The following PTPN13 variants were observed in gnomAD, a reference collection of about 807,000 sequenced individuals.
PTPN13 encodes the protein tyrosine-protein phosphatase non-receptor type 13.
A neutral mutation model predicts 284.0 loss-of-function variants in PTPN13; 191 were observed. The ratio of observed to expected loss-of-function variants is 0.67; its 90% CI spans 0.60 to 0.76. PTPN13 has a LOEUF of 0.76. Ranked by LOEUF, PTPN13 falls within the 30% of genes least tolerant of loss-of-function variation. PTPN13 has a pLI of 0.00. For missense variants in PTPN13, 2,797 were observed against 2,939.9 expected (o/e 0.95, Z 1.12); for synonymous variants, 986 against 1,022.3 (o/e 0.96, Z 0.68).
Position 86,722,324 on chromosome 4 carries a change from C to T in PTPN13, c.1498C>T (p.Arg500Trp), listed in dbSNP as rs751872672. The part of the protein sequence containing the change: ...LQAKMALRQS[R>W]LSLYPGDTIK... ...AGCCAAAATGGCCCTTAGACAGTCT[C>T]GGTTGAGCCTATATCCAGGAGACAC... The change falls in exon 10 of 48, where the codon CGG becomes TGG. Residue 500 changes from arginine to tryptophan, a missense_variant. By Grantham distance (101) the Arg-to-Trp change is moderately radical. Transcript: ENST00000411767. The T allele has an allele frequency of 1.7e-5, 28 of 1,613,594 alleles. No individual in the cohort carries two copies. Among genetic ancestry groups the T allele is most frequent in the South Asian group, 6.6e-5 (6 of 91,072 alleles).
intron 1 of PTPN13, among the ~76,000 whole-genome samples, chr4:86,628,265 T>A (rs1174938311): frequency 2.0e-5 from 3 of 152,178 alleles, no homozygotes; most frequent in African/African-American, 7.2e-5. Flanking sequence ...TAATTTTAGA[T>A]ATCCTCATAG....
chr4:86,737,822 C>T (rs1735697211), intron 15 of PTPN13, among the ~76,000 whole-genome samples: 2 of 152,082 alleles, frequency 1.3e-5, no homozygotes, highest in Admixed American at 6.6e-5. Context: ...CTCTGCCTCC[C>T]GGGTTCAAAC....
intron 3 of PTPN13, among the ~76,000 whole-genome samples, chr4:86,677,922 C>G (rs1025069913): frequency 4.6e-5 from 7 of 152,072 alleles, no homozygotes; most frequent in Non-Finnish European, 8.8e-5. Flanking sequence ...ACTTAGGGCA[C>G]CAAAATGGAT....
chr4:86,758,432 T>C (rs2149233417), intron 21 of PTPN13, 83 bp downstream of exon 21: 1 of 1,195,518 alleles, frequency 8.4e-7, no homozygotes, highest in Non-Finnish European at 1.2e-6. Flanking sequence ...GGCATTGCAG[T>C]GCCAGCTCAC....
At chr4:86,765,854 G>GTCTC (rs1243521839) in intron 26 of PTPN13, among the ~76,000 whole-genome samples, 1 of 151,234 alleles carries the variant, frequency 6.6e-6, no homozygotes, top group Non-Finnish European at 1.5e-5. Flanking sequence ...TCGAGACAGA[G>GTCTC]TCTCACTCTG....
intron 7 of PTPN13, among the ~76,000 whole-genome samples, chr4:86,710,716 G>A (rs1006468720): frequency 4.6e-5 from 7 of 152,044 alleles, no homozygotes; most frequent in Non-Finnish European, 8.8e-5. Context: ...TGTATAAATG[G>A]CATCAATATA....
At position 86,763,102 on chromosome 4, in the gene PTPN13, C is replaced by T; in HGVS notation, c.3929C>T (p.Ser1310Phe). ...NQSKTKKPGI[S>F]DVTDYSDRGD... is the part of the protein sequence containing the mutation. ...AGCAAAACTAAAAAGCCAGGCATTT[C>T]TGATGTAACTGATTACTCAGACCGT... The change falls in exon 24 of 48, where the codon TCT becomes TTT. Residue 1310 changes from serine to phenylalanine, a missense_variant. Transcript: ENST00000411767. 6.2e-7 allele frequency: 1 copy of T among 1,613,476 alleles called. No individual in the cohort carries two copies. Among genetic ancestry groups the T allele is most frequent in the Non-Finnish European group, 8.5e-7 (1 of 1,179,856 alleles).
intron 6 of PTPN13, among the ~76,000 whole-genome samples, chr4:86,694,780 A>C (rs1328573820): frequency 6.6e-6 from 1 of 152,136 alleles, no homozygotes; most frequent in East Asian, 1.9e-4. Context: ...AAACATTAAC[A>C]GAAATACTTT....
At chr4:86,623,118 AAC>A (rs1224965124) in intron 1 of PTPN13, among the ~76,000 whole-genome samples, 4 of 152,170 alleles carry the variant, frequency 2.6e-5, no homozygotes, top group Non-Finnish European at 5.9e-5. Context: ...TTATGTTGAG[AAC>A]CAGGGAAGCT....
At chr4:86,676,294 G>T (rs1212927873) in intron 3 of PTPN13, among the ~76,000 whole-genome samples, 1 of 152,170 alleles carries the variant, frequency 6.6e-6, no homozygotes, top group Non-Finnish European at 1.5e-5. Flanking sequence ...AATGTTAAAT[G>T]TTGGGCTTGT....
At chr4:86,644,491 C>T (rs1724187219) in intron 2 of PTPN13, among the ~76,000 whole-genome samples, 1 of 152,098 alleles carries the variant, frequency 6.6e-6, no homozygotes, top group Admixed American at 6.5e-5. Flanking sequence ...ATTCCAGGCC[C>T]ATGTTGTTTC....
chr4:86,748,524 C>T (rs10003989), intron 17 of PTPN13, among the ~76,000 whole-genome samples: 21,492 of 152,092 alleles, frequency 0.14, 1,976 homozygotes, highest in African/African-American at 0.25. Flanking sequence ...GATGGAGAAA[C>T]CTATTGGGTG....
At chr4:86,733,971 A>C (rs1433472146) in intron 12 of PTPN13, among the ~76,000 whole-genome samples, 2 of 152,236 alleles carry the variant, frequency 1.3e-5, no homozygotes, top group Non-Finnish European at 2.9e-5. Context: ...CTGTAAAGCA[A>C]GAATTCCCAC....
chr4:86,733,320 A>G (rs963064349), intron 12 of PTPN13, among the ~76,000 whole-genome samples: 7 of 152,116 alleles, frequency 4.6e-5, no homozygotes, highest in East Asian at 1.9e-4. Context: ...TAGAGTTGCC[A>G]TAGCAGTAAG....
intron 39 of PTPN13, 41 bp downstream of exon 39, chr4:86,785,409 CA>C: frequency 1.3e-6 from 2 of 1,491,546 alleles, no homozygotes; most frequent in Non-Finnish European, 9.0e-7. Flanking sequence ...CTATGGAGTA[CA>C]AAAACGTCTC....
intron 7 of PTPN13, among the ~76,000 whole-genome samples, chr4:86,703,589 A>C (rs1731398243): frequency 6.6e-6 from 1 of 152,174 alleles, no homozygotes; most frequent in Non-Finnish European, 1.5e-5. Flanking sequence ...ATTATAGGCC[A>C]GGCATGGTGG....
Position 86,771,240 on chromosome 4 carries a change from G to C in PTPN13, c.4873G>C (p.Glu1625Gln), listed in dbSNP as rs12500797. 4 of 1,610,410 alleles carry C rather than the reference G, an allele frequency of 2.5e-6. No homozygotes were observed. The highest frequency in any genetic ancestry group is 3.4e-6 in the Non-Finnish European group (4 of 1,178,304). Residue 1625 changes from glutamate to glutamine, a missense_variant, in exon 31 of 48, where the codon GAG (glutamate) becomes CAG (glutamine). By Grantham distance (29) the Glu-to-Gln change is conservative. Transcript: ENST00000411767. ...AGACTCTTCTCAGCCATCATGTGTG[G>C]AGCAAAGCACCAGCTCAGATGAAAA... ...SKDSSQPSCV[E>Q]QSTSSDENEM...
At chr4:86,758,593 C>T (rs1167393577) in intron 21 of PTPN13, 85 bp from the exon 22 acceptor site, 2 of 1,186,720 alleles carry the variant, frequency 1.7e-6, no homozygotes, top group South Asian at 2.6e-5. Context: ...TCAATAGTCC[C>T]CACATTTCTG....
At chr4:86,796,176 A>G (rs1743320890) in intron 40 of PTPN13, among the ~76,000 whole-genome samples, 1 of 152,208 alleles carries the variant, frequency 6.6e-6, no homozygotes, top group Non-Finnish European at 1.5e-5. Flanking sequence ...GCAATATATT[A>G]TAATCTAACA....
Sources: allele counts gnomAD v4.1 joint callset (sites outside exome capture counted in the v4.1 genomes callset), GRCh38; gene constraint gnomAD v4.1.1; transcripts MANE v1.5; gene names NCBI Gene and HGNC (gene_info 2026-07-23, HGNC 2026-07-21).